Variants in ROR2 observed in about 807,000 individuals in gnomAD.
ROR2 encodes ROR family WNT receptor 2.
In ROR2, 33 loss-of-function variants were observed where a neutral mutation model predicts 74.9. The ratio of observed to expected loss-of-function variants is 0.44; its 90% confidence interval spans 0.33 to 0.59. ROR2 has a LOEUF of 0.59. Ranked by LOEUF, ROR2 falls within the 20% of genes least tolerant of loss-of-function variation. ROR2 has a pLI of 0.02. For synonymous variants in ROR2, 586 were observed against 558.7 expected (o/e 1.05, Z -0.69); for missense variants, 1,216 against 1,313.8 (o/e 0.93, Z 1.15).
intron 1 of ROR2, among the ~76,000 whole-genome samples, chr9:91,948,261 G>A (rs951939496): frequency 6.6e-6 from 1 of 152,174 alleles, no homozygotes; most frequent in Non-Finnish European, 1.5e-5. Context: ...GTTTTTGTAG[G>A]ACAATTAACC....
intron 1 of ROR2, among the ~76,000 whole-genome samples, chr9:91,807,951 T>C (rs1421358880): frequency 6.6e-6 from 1 of 152,164 alleles, no homozygotes; most frequent in African/African-American, 2.4e-5. Context: ...CAGCTAAGAC[T>C]TGTGCTCACC....
At chr9:91,885,339 GA>G (rs1001341682) in intron 1 of ROR2, among the ~76,000 whole-genome samples, 2 of 152,154 alleles carry the variant, frequency 1.3e-5, no homozygotes, top group Non-Finnish European at 2.9e-5. Context: ...GGTGTGGAGG[GA>G]GATGGGGATG....
At chr9:91,849,806 G>T (rs2119249555) in intron 1 of ROR2, among the ~76,000 whole-genome samples, 1 of 152,176 alleles carries the variant, frequency 6.6e-6, no homozygotes, top group East Asian at 1.9e-4. Context: ...ATCTTCCTCT[G>T]CCTGTAGGAA....
intron 1 of ROR2, among the ~76,000 whole-genome samples, chr9:91,908,964 G>C (rs1830885127): frequency 6.6e-6 from 1 of 152,164 alleles, no homozygotes; most frequent in Non-Finnish European, 1.5e-5. Context: ...GGAAGATCCA[G>C]CTGTTGTCAG....
At chr9:91,737,115 G>A (rs1175440227) in intron 5 of ROR2, among the ~76,000 whole-genome samples, 2 of 152,200 alleles carry the variant, frequency 1.3e-5, no homozygotes, top group African/African-American at 4.8e-5. Context: ...ACAGTGCTTT[G>A]GACCCACACG....
intron 2 of ROR2, among the ~76,000 whole-genome samples, chr9:91,760,400 G>A (rs1291152438): frequency 1.3e-5 from 2 of 152,144 alleles, no homozygotes; most frequent in Non-Finnish European, 2.9e-5. Context: ...CTGGGAGGCC[G>A]AAGCGAGTGG....
At chr9:91,873,991 G>A (rs926121202) in intron 1 of ROR2, among the ~76,000 whole-genome samples, 1 of 152,158 alleles carries the variant, frequency 6.6e-6, no homozygotes, top group Admixed American at 6.5e-5. Context: ...TATTGAATTG[G>A]TTGGGGGAGT....
intron 1 of ROR2, among the ~76,000 whole-genome samples, chr9:91,866,525 C>G (rs1027273138): frequency 4.1e-5 from 6 of 147,502 alleles, no homozygotes; most frequent in African/African-American, 1.0e-4. Flanking sequence ...TTGAGTGATT[C>G]TCCTGCCTCA....
At chr9:91,750,854 G>T (rs2118812721) in intron 4 of ROR2, among the ~76,000 whole-genome samples, 1 of 152,316 alleles carries the variant, frequency 6.6e-6, no homozygotes, top group African/African-American at 2.4e-5. Context: ...CACAGGCAAT[G>T]CAATGGCTTT....
chr9:91,849,126 C>A (rs796565052), intron 1 of ROR2, among the ~76,000 whole-genome samples: 11 of 152,288 alleles, frequency 7.2e-5, no homozygotes, highest in African/African-American at 2.6e-4. Context: ...TGCTTGAGAT[C>A]ACCTTGGCCA....
rs1240198005 is a variant in ROR2 at position 91,724,029 on chromosome 9, T to C, written c.2465A>G (p.Asn822Ser). The C allele has an allele frequency of 1.2e-6, 2 of 1,612,276 alleles. No homozygotes were observed. Among genetic ancestry groups the C allele is most frequent in the Non-Finnish European group, 1.7e-6 (2 of 1,179,876 alleles). Residue 822 changes from asparagine (N) to serine (S), a missense_variant, in exon 9 of 9, where the codon AAC becomes AGC. Asn to Ser is a conservative substitution (Grantham distance 46). Transcript: ENST00000375708. ...VPPPQLYVPV[N>S]GYQPVPAYGA... ...ATAGGCCGGCACCGGCTGGTAGCCG[T>C]TGACGGGGACGTAGAGCTGCGGCGG...
chr9:91,898,285 G>A (rs1830589808), intron 1 of ROR2, among the ~76,000 whole-genome samples: 3 of 152,334 alleles, frequency 2.0e-5, no homozygotes, highest in Non-Finnish European at 1.5e-5. Flanking sequence ...AGAGCCCAGA[G>A]TGACGACAGC....
intron 2 of ROR2, among the ~76,000 whole-genome samples, chr9:91,762,054 G>A (rs1825929894): frequency 6.6e-6 from 1 of 152,166 alleles, no homozygotes; most frequent in Non-Finnish European, 1.5e-5. Flanking sequence ...TCCGTGTGGT[G>A]AGCAGCAGGA....
At chr9:91,803,477 G>A (rs1818074263) in intron 1 of ROR2, among the ~76,000 whole-genome samples, 1 of 152,202 alleles carries the variant, frequency 6.6e-6, no homozygotes, top group African/African-American at 2.4e-5. Context: ...ACAACAACGT[G>A]AATGTATCAG....
chr9:91,808,999 T>C (rs1827662147), intron 1 of ROR2, among the ~76,000 whole-genome samples: 1 of 143,636 alleles, frequency 7.0e-6, no homozygotes, highest in Non-Finnish European at 1.5e-5. Context: ...TGAGACTCCA[T>C]CTCAAAAAAA....
intron 1 of ROR2, among the ~76,000 whole-genome samples, chr9:91,778,275 G>A (rs1156629189): frequency 6.6e-6 from 1 of 152,236 alleles, no homozygotes; most frequent in African/African-American, 2.4e-5. Flanking sequence ...GCACCTAATG[G>A]GCTATCATCG....
intron 1 of ROR2, among the ~76,000 whole-genome samples, chr9:91,904,942 C>T (rs1339707158): frequency 6.6e-6 from 1 of 151,876 alleles, no homozygotes; most frequent in Non-Finnish European, 1.5e-5. Context: ...AGCACATACA[C>T]CACACACAAG....
chr9:91,846,200 G>C (rs922179226), intron 1 of ROR2, among the ~76,000 whole-genome samples: 3 of 152,206 alleles, frequency 2.0e-5, no homozygotes, highest in Non-Finnish European at 4.4e-5. Flanking sequence ...TGGATTACAG[G>C]CTTTGCCATG....
intron 1 of ROR2, among the ~76,000 whole-genome samples, chr9:91,832,367 C>CAAAAA (rs10677451): frequency 0.032 from 1,239 of 38,334 alleles, 92 homozygotes; most frequent in East Asian, 0.071. Context: ...GTCACAATGG[C>CAAAAA]AAAAAAAAAA....
Sources: gnomAD v4.1 joint callset for allele counts (sites outside exome capture counted in the v4.1 genomes callset) on GRCh38, gnomAD v4.1.1 for gene constraint, MANE v1.5 for transcripts, NCBI Gene and HGNC (gene_info 2026-07-23, HGNC 2026-07-21) for gene names.